The following WDR27 variants were observed in gnomAD, a reference collection of about 807,000 sequenced individuals.
The protein encoded by WDR27 is WD repeat domain 27, also known as WD repeat-containing protein 27.
WDR27 carries 100 observed loss-of-function variants against 114.4 expected under a neutral mutation model. That is an observed-to-expected ratio of 0.87 (90% CI 0.74 to 1.03). WDR27 has a LOEUF of 1.03. Ranked by LOEUF, WDR27 falls within the 50% of genes least tolerant of loss-of-function variation. WDR27 has a pLI of 0.00. For synonymous variants in WDR27, 449 were observed against 423.1 expected (o/e 1.06, Z -0.75); for missense variants, 1,129 against 1,092.9 (o/e 1.03, Z -0.47).
the WDR27 span, among the ~76,000 whole-genome samples, chr6:169,437,073 GAT>G: frequency 6.6e-6 from 1 of 152,130 alleles, no homozygotes; most frequent in African/African-American, 2.4e-5. Context: ...TGGTCTCAAA[GAT>G]AGGGGGAAGA....
intron 25 of WDR27, among the ~76,000 whole-genome samples, chr6:169,497,900 G>GAT (rs146524721): frequency 0.034 from 5,107 of 151,450 alleles, 121 homozygotes; most frequent in Non-Finnish European, 0.056. Context: ...TCCACTTCTG[G>GAT]ATATATATAT....
chr6:169,621,980 A>C (rs1187514571), intron 21 of WDR27, among the ~76,000 whole-genome samples: 1 of 152,238 alleles, frequency 6.6e-6, no homozygotes, highest in Non-Finnish European at 1.5e-5. Context: ...GAAAAAGTCA[A>C]GCTAGGAACT....
rs139797044 is a variant in WDR27 at position 169,654,390 on chromosome 6, T to C, written c.1403-2382A>G. ...CACGCAAGAACATGAATCCAAAAGA[T>C]CCTGTACAAAATAATAGCGAAGAGA... On this transcript the variant is annotated intron_variant, in intron 13 of 25. Transcript: ENST00000448612. Among the ~76,000 whole-genome samples the C allele has an allele frequency of 1.6e-3, 240 of 152,228 alleles. 2 individuals are homozygous for C. Among genetic ancestry groups the C allele is most frequent in the African/African-American group, 5.5e-3 (230 of 41,536 alleles).
chr6:169,601,808 T>C (rs980324118), intron 23 of WDR27, among the ~76,000 whole-genome samples: 1 of 152,186 alleles, frequency 6.6e-6, no homozygotes, highest in Admixed American at 6.5e-5. Context: ...GAGGGGGCAG[T>C]TCCATTAATA....
At chr6:169,484,504 G>A (rs1260309883) in intron 25 of WDR27, among the ~76,000 whole-genome samples, 1 of 152,096 alleles carries the variant, frequency 6.6e-6, no homozygotes, top group East Asian at 1.9e-4. Context: ...TACAACTACT[G>A]CTAAAAGAAA....
chr6:169,523,524 G>C (rs1794629154), intron 25 of WDR27, among the ~76,000 whole-genome samples: 1 of 152,054 alleles, frequency 6.6e-6, no homozygotes, highest in Admixed American at 6.6e-5. Context: ...GATGAATATA[G>C]ATGTGAAAAT....
intron 25 of WDR27, among the ~76,000 whole-genome samples, chr6:169,481,527 G>A (rs929036509): frequency 6.6e-6 from 1 of 152,176 alleles, no homozygotes; most frequent in African/African-American, 2.4e-5. Context: ...CTTCGGGTTC[G>A]TGGCGCCTTT....
rs115828649 is a variant in WDR27 at position 169,638,578 on chromosome 6, T to C, written c.1830A>G (p.Arg610=). Reference sequence around the variant, plus strand: ...GCTCTGCCCCACGAGCCGACCACATTCGCAGGGTCCCGTCCCGGGCCGCAG... The same window carrying C: ...GCTCTGCCCCACGAGCCGACCACATCCGCAGGGTCCCGTCCCGGGCCGCAG... ...LLSAARDGTL[R]MWSARGAELA... The change falls in exon 18 of 26, where the codon CGA becomes CGG. Residue 610 remains arginine (R), a synonymous_variant. Transcript: ENST00000448612. 14,977 of 1,610,796 alleles carry C rather than the reference T, an allele frequency of 9.3e-3. 339 individuals are homozygous for C. Among genetic ancestry groups the C allele is most frequent in the African/African-American group, 0.087 (6,554 of 74,956 alleles).
chr6:169,623,306 CCAAATTATCCTTAAAAA>C (rs1192563385), intron 21 of WDR27, among the ~76,000 whole-genome samples: 1 of 152,196 alleles, frequency 6.6e-6, no homozygotes, highest in Non-Finnish European at 1.5e-5. Context: ...CACCCACCCA[CCAAATTATCCTTAAAAA>C]CTCCCACCCC....
At chr6:169,488,400 G>A (rs1435379131) in intron 25 of WDR27, among the ~76,000 whole-genome samples, 3 of 152,196 alleles carry the variant, frequency 2.0e-5, no homozygotes, top group Non-Finnish European at 1.5e-5. Context: ...ATCTAGAAAT[G>A]AGAAGACTTT....
At chr6:169,503,654 C>T (rs1299539912) in intron 25 of WDR27, among the ~76,000 whole-genome samples, 1 of 152,164 alleles carries the variant, frequency 6.6e-6, no homozygotes, top group Non-Finnish European at 1.5e-5. Flanking sequence ...GTTTTGGGAA[C>T]TTTTCAGTAC....
intron 24 of WDR27, among the ~76,000 whole-genome samples, chr6:169,574,912 C>T (rs1802002806): frequency 6.6e-6 from 1 of 152,188 alleles, no homozygotes; most frequent in African/African-American, 2.4e-5. Context: ...CATGGGTGGG[C>T]ATCATGCAAT....
At chr6:169,646,655 G>A (rs1420327983) in intron 16 of WDR27, among the ~76,000 whole-genome samples, 1 of 151,868 alleles carries the variant, frequency 6.6e-6, no homozygotes, top group African/African-American at 2.4e-5. Flanking sequence ...CGCTGAGGCA[G>A]GAGAATCACT....
the WDR27 span, among the ~76,000 whole-genome samples, chr6:169,428,044 C>T: frequency 2.0e-5 from 3 of 152,138 alleles, no homozygotes; most frequent in African/African-American, 7.2e-5. Context: ...CCAAAGGTCC[C>T]GTCTCCACTT....
chr6:169,527,506 G>A (rs1795092276), intron 25 of WDR27, among the ~76,000 whole-genome samples: 3 of 152,204 alleles, frequency 2.0e-5, no homozygotes, highest in South Asian at 2.1e-4. Context: ...ATAGTTACAG[G>A]GTTTCTTTTC....
At chr6:169,677,434 C>T (rs957292067) in intron 2 of WDR27, among the ~76,000 whole-genome samples, 1 of 152,190 alleles carries the variant, frequency 6.6e-6, no homozygotes, top group African/African-American at 2.4e-5. Flanking sequence ...CTCCTGGATG[C>T]TTCTAACAAC....
chr6:169,457,029 C>A (rs1333825228), downstream of WDR27, among the ~76,000 whole-genome samples: 1 of 150,756 alleles, frequency 6.6e-6, no homozygotes, highest in Non-Finnish European at 1.5e-5. Flanking sequence ...GCAGAACCCA[C>A]GAGCAGAGGC....
At chr6:169,491,538 G>A (rs533349428) in intron 25 of WDR27, among the ~76,000 whole-genome samples, 18 of 152,026 alleles carry the variant, frequency 1.2e-4, no homozygotes, top group African/African-American at 4.3e-4. Context: ...GACATAGCCA[G>A]GCTTAAAAGC....
intron 25 of WDR27, among the ~76,000 whole-genome samples, chr6:169,533,515 G>C (rs1267359135): frequency 6.6e-6 from 1 of 152,176 alleles, no homozygotes; most frequent in African/African-American, 2.4e-5. Context: ...CCTAAAGACA[G>C]CAGGAGTAAG....
Sources: gnomAD v4.1 joint callset for allele counts (sites outside exome capture counted in the v4.1 genomes callset) on GRCh38, gnomAD v4.1.1 for gene constraint, MANE v1.5 for transcripts, NCBI Gene and HGNC (gene_info 2026-07-23, HGNC 2026-07-21) for gene names.